The following REEP5 variants were observed in gnomAD, a reference collection of about 807,000 sequenced individuals.
REEP5 encodes the protein receptor accessory protein 5, also known as receptor expression-enhancing protein 5.
REEP5 carries 24 observed loss-of-function variants against 22.4 expected under a neutral mutation model. The ratio of observed to expected loss-of-function variants is 1.07; its 90% confidence interval spans 0.78 to 1.51. The LOEUF (loss-of-function observed/expected upper bound fraction) is 1.51. Ranked by LOEUF, REEP5 falls within the 40% of genes most tolerant of loss-of-function variation. REEP5 has a pLI of 0.00. For synonymous variants in REEP5, 103 were observed against 88.6 expected (o/e 1.16, Z -0.92); for missense variants, 252 against 233.0 (o/e 1.08, Z -0.53).
At chr5:112,884,944 A>C (rs184543292) in intron 4 of REEP5, 10 of 152,200 alleles carry the variant, frequency 6.6e-5, no homozygotes, top group African/African-American at 2.4e-4. Flanking sequence ...TGTTATGAAC[A>C]TGCTTGGCAC....
intron 3 of REEP5, among the ~76,000 whole-genome samples, chr5:112,899,741 A>T (rs1768801073): frequency 6.6e-6 from 1 of 152,228 alleles, no homozygotes; most frequent in Non-Finnish European, 1.5e-5. Flanking sequence ...AGGTCCCTTA[A>T]AAAGGTTATT....
At chr5:112,921,382 A>G in intron 1 of REEP5, 126 bp from the exon 2 acceptor site, 1 of 883,088 alleles carries the variant, frequency 1.1e-6, no homozygotes, top group Admixed American at 2.1e-5. Flanking sequence ...TAAAGGAGCG[A>G]GAAAAACAAA....
intron 2 of REEP5, among the ~76,000 whole-genome samples, chr5:112,916,879 G>A (rs1180792882): frequency 6.6e-6 from 1 of 152,074 alleles, no homozygotes; most frequent in Admixed American, 6.5e-5. Context: ...TACATAATAG[G>A]GTTGTTCTGA....
chr5:112,921,541 A>G, intron 1 of REEP5: 1 of 491,822 alleles, frequency 2.0e-6, no homozygotes, highest in Non-Finnish European at 3.7e-6. Context: ...GGTCCCAGGC[A>G]CCCGCTTCCG....
intron 2 of REEP5, among the ~76,000 whole-genome samples, chr5:112,911,592 T>C (rs1561658919): frequency 6.6e-6 from 1 of 152,264 alleles, no homozygotes; most frequent in South Asian, 2.1e-4. Flanking sequence ...ATCTATTTTG[T>C]TCTTACCATG....
In REEP5 at chr5:112,877,999, G is replaced by C. The variant is rs2150031948; in HGVS notation, c.*787C>G. 1 of 146,146 alleles carries C rather than the reference G, an allele frequency of 6.8e-6. No individual in the cohort carries two copies. The highest frequency in any genetic ancestry group is 2.0e-4 in the East Asian group (1 of 4,966). The allele number at this position is 146,146 out of a possible 1,614,324, so 9.1% of individuals were successfully genotyped here. On this transcript the variant is annotated 3_prime_UTR_variant, in exon 5 of 5. Transcript: ENST00000379638. ...GGTTACTCTGTGTGTGTGTGTGTGT[G>C]TGTGTGTGTGTGTGTGTGTGTGTAA...
chr5:112,920,120 G>A lies in REEP5; in HGVS notation c.212+1043C>T, dbSNP rs573142763. 3.9e-5 allele frequency among the ~76,000 whole-genome samples: 6 copies of A among 152,248 alleles called. No individual in the cohort carries two copies. In the East Asian group the frequency reaches 9.6e-4, roughly 24 times the overall value. ...AGGGCTATATGTAGCTAGACTTTCT[G>A]GAGTATGACTAAGTGTCTGTACCGG... On this transcript the variant is annotated intron_variant, in intron 2 of 4. Coordinates refer to ENST00000379638, the MANE Select transcript of REEP5 (RefSeq NM_005669.5).
chr5:112,876,869 C>G lies in REEP5; in HGVS notation c.*1917G>C, dbSNP rs1412281550. The G allele has an allele frequency of 2.0e-5, 3 of 152,034 alleles. No homozygotes were observed. The highest frequency in any genetic ancestry group is 7.2e-5 in the African/African-American group (3 of 41,390). The allele number at this position is 152,034 out of a possible 1,614,324, so 9.4% of individuals were successfully genotyped here. ...CAGAATTTAATATAGTATTTTAAAA[C>G]TAATTTTAGCCTGTAAGTCATTATG... On this transcript the variant is annotated 3_prime_UTR_variant, in exon 5 of 5. Transcript: ENST00000379638.
chr5:112,902,363 T>A lies in REEP5; in HGVS notation c.351+17A>T, dbSNP rs1220124897. ...AGGTACTGAGATGGAGTTTTAGTGG[T>A]AGCAAGACCAACATACCTTCAGCAT... On this transcript the variant is annotated intron_variant, in intron 3 of 4. Transcript: ENST00000379638. 2.5e-6 allele frequency: 4 copies of A among 1,599,176 alleles called. No homozygotes were observed. The African/African-American group carries it at 5.4e-5, about 22-fold the overall frequency.
chr5:112,892,747 GAGA>G (rs1561651369), intron 3 of REEP5: 4 of 1,614,014 alleles, frequency 2.5e-6, no homozygotes, highest in Admixed American at 1.7e-5. Flanking sequence ...CGAGAGGAGG[GAGA>G]AGATGGGCCA....
chr5:112,901,261 G>GA (rs1768836243), intron 3 of REEP5, among the ~76,000 whole-genome samples: 1 of 152,092 alleles, frequency 6.6e-6, no homozygotes, highest in South Asian at 2.1e-4. Flanking sequence ...AAAGAAATGA[G>GA]AAAATATTAG....
intron 2 of REEP5, among the ~76,000 whole-genome samples, chr5:112,915,163 C>T (rs185357219): frequency 4.0e-5 from 6 of 151,284 alleles, no homozygotes; most frequent in Admixed American, 1.3e-4. Flanking sequence ...AGGGAGGCTA[C>T]GACAGAAAGA....
chr5:112,893,051 G>T, intron 3 of REEP5: 1 of 1,217,990 alleles, frequency 8.2e-7, no homozygotes. Context: ...AATAGAGACA[G>T]AACTGTTCAG....
In REEP5 at chr5:112,888,225, A is replaced by G. The variant is rs1005942840; in HGVS notation, c.352-1042T>C. On this transcript the variant is annotated intron_variant, in intron 3 of 4. Coordinates refer to ENST00000379638, the MANE Select transcript of REEP5 (RefSeq NM_005669.5). ...GGGATGTACTCATAATCAACAAGCTATGATGGTTTTCTAAGACAGTCTTTC... is the reference window on the plus strand; with the variant it reads ...GGGATGTACTCATAATCAACAAGCTGTGATGGTTTTCTAAGACAGTCTTTC... Among the ~76,000 whole-genome samples, 25 of 152,230 alleles carry G rather than the reference A, an allele frequency of 1.6e-4. 1 individual carries two copies. The highest frequency in any genetic ancestry group is 5.8e-4 in the African/African-American group (24 of 41,466).
At chr5:112,917,403 C>G (rs1203916862) in intron 2 of REEP5, among the ~76,000 whole-genome samples, 1 of 152,114 alleles carries the variant, frequency 6.6e-6, no homozygotes, top group Non-Finnish European at 1.5e-5. Flanking sequence ...TCTTTAAGGC[C>G]CAACTCTGAT....
intron 3 of REEP5, chr5:112,895,246 A>AAAAAAAAAAAAAG: frequency 6.6e-6 from 1 of 150,842 alleles, no homozygotes; most frequent in Non-Finnish European, 1.5e-5. Flanking sequence ...TCAAAAAAAA[A>AAAAAAAAAAAAAG]AAAAAAAAAA....
intron 3 of REEP5, among the ~76,000 whole-genome samples, chr5:112,889,575 ATATT>A (rs1178321311): frequency 6.6e-6 from 1 of 150,680 alleles, no homozygotes; most frequent in Admixed American, 6.6e-5. Context: ...TTATAATTAT[ATATT>A]TATATATAGC....
chr5:112,921,317 C>A (rs1769358109), intron 1 of REEP5, 61 bp from the exon 2 acceptor site: 1 of 1,508,798 alleles, frequency 6.6e-7, no homozygotes, highest in African/African-American at 1.4e-5. Flanking sequence ...GCGGGACAGC[C>A]GCCGCCCACA....
chr5:112,902,777 G>A (rs1034545977), intron 2 of REEP5, among the ~76,000 whole-genome samples: 1 of 152,114 alleles, frequency 6.6e-6, no homozygotes, highest in African/African-American at 2.4e-5. Flanking sequence ...TCTCCACCCT[G>A]CCAAAGCCTC....
Sources: allele counts gnomAD v4.1 joint callset (sites outside exome capture counted in the v4.1 genomes callset), GRCh38; gene constraint gnomAD v4.1.1; transcripts MANE v1.5; gene names NCBI Gene and HGNC (gene_info 2026-07-23, HGNC 2026-07-21).